The following OR56A3 variants were observed in gnomAD, a reference collection of about 807,000 sequenced individuals.
The protein encoded by OR56A3 is olfactory receptor 56A3.
OR56A3 carries 23 observed loss-of-function variants against 17.5 expected under a neutral mutation model. The observed-to-expected ratio is 1.32, with a 90% CI of 0.95 to 1.87. OR56A3 has a LOEUF of 1.87. Among genes scored for constraint, OR56A3 ranks in the 40% most tolerant of loss-of-function variants. The probability of loss-of-function intolerance (pLI) is 0.00; values close to 1 mark genes in which losing one functional copy is unlikely to be tolerated. For missense variants in OR56A3, 366 were observed against 380.1 expected (o/e 0.96, Z 0.31); for synonymous variants, 175 against 150.6 (o/e 1.16, Z -1.19).
the OR56A3 span, chr11:6,002,608 T>C: frequency 6.2e-7 from 1 of 1,614,184 alleles, no homozygotes; most frequent in Non-Finnish European, 8.5e-7. Context: ...GGATGGCAGA[T>C]GGCCACATAA....
Position 5,947,501 on chromosome 11 carries a change from C to T in OR56A3, c.155C>T (p.Thr52Ile). 2 of 1,614,008 alleles carry T rather than the reference C, an allele frequency of 1.2e-6. No individual in the cohort carries two copies. Among genetic ancestry groups the T allele is most frequent in the Non-Finnish European group, 1.7e-6 (2 of 1,179,920 alleles). The change falls in exon 3 of 3, where the codon ACC becomes ATC. Residue 52 changes from threonine to isoleucine, a missense_variant. Coordinates refer to ENST00000641160, the MANE Select transcript of OR56A3 (RefSeq NM_001003443.3). The stretch of plus-strand genomic sequence containing the variant: ...GGGGCCAACACCACCCTCCTGATGA[C>T]CATCTGGCTGGAGGCCTCTCTGCAC... The part of the protein sequence containing the change: ...AVGANTTLLM[T>I]IWLEASLHQP...
At chr11:5,965,165 C>T in the OR56A3 span, among the ~76,000 whole-genome samples, 2 of 152,172 alleles carry the variant, frequency 1.3e-5, no homozygotes, top group Admixed American at 6.5e-5. Context: ...AAAAAGAAGA[C>T]ATTTGAGAAA....
chr11:5,967,042 C>G, the OR56A3 span: 2 of 151,918 alleles, frequency 1.3e-5, no homozygotes, highest in Non-Finnish European at 1.5e-5. Flanking sequence ...ACAGAGGAGG[C>G]AGTGAATGTC....
chr11:5,982,137 T>A, the OR56A3 span, among the ~76,000 whole-genome samples: 1 of 152,058 alleles, frequency 6.6e-6, no homozygotes, highest in African/African-American at 2.4e-5. Flanking sequence ...CACTTACACG[T>A]GTGTTCAGGC....
the OR56A3 span, among the ~76,000 whole-genome samples, chr11:5,961,025 G>T: frequency 1.3e-5 from 2 of 150,806 alleles, no homozygotes; most frequent in African/African-American, 4.9e-5. Flanking sequence ...CCCTCCGCCC[G>T]GCAGCCGCCC....
chr11:6,003,690 C>T, the OR56A3 span, among the ~76,000 whole-genome samples: 2 of 152,170 alleles, frequency 1.3e-5, no homozygotes, highest in South Asian at 2.1e-4. Context: ...CAGTGGCCCC[C>T]ACCTGAAATC....
the OR56A3 span, chr11:5,968,598 C>A: frequency 1.1e-6 from 1 of 898,308 alleles, no homozygotes; most frequent in Non-Finnish European, 1.7e-6. Context: ...CTAACATTTT[C>A]TAATTTATAA....
the OR56A3 span, chr11:6,021,308 G>T: frequency 6.6e-6 from 1 of 151,904 alleles, no homozygotes; most frequent in Admixed American, 6.6e-5. Flanking sequence ...CAATTAGAAA[G>T]GAGAAACAAG....
At chr11:6,016,642 A>T in the OR56A3 span, among the ~76,000 whole-genome samples, 11 of 152,286 alleles carry the variant, frequency 7.2e-5, no homozygotes, top group East Asian at 5.8e-4. Context: ...TAACACAGTG[A>T]TTCTACAGCA....
At chr11:6,002,928 T>A in the OR56A3 span, 18 of 1,613,668 alleles carry the variant, frequency 1.1e-5, no homozygotes, top group Non-Finnish European at 1.4e-5. Context: ...GCTCTGGAAG[T>A]TGGGGAAGCA....
chr11:5,989,563 T>G, the OR56A3 span, among the ~76,000 whole-genome samples: 1 of 152,196 alleles, frequency 6.6e-6, no homozygotes. Flanking sequence ...AGGGTAAAAG[T>G]CTGCAAGTGC....
the OR56A3 span, chr11:5,968,037 GC>G: frequency 1.9e-6 from 3 of 1,602,450 alleles, no homozygotes; most frequent in Non-Finnish European, 2.6e-6. Flanking sequence ...GCCATTCCTG[GC>G]CACAACAAAG....
chr11:5,982,282 G>A, the OR56A3 span, among the ~76,000 whole-genome samples: 41,301 of 152,100 alleles, frequency 0.27, 5,732 homozygotes, highest in Middle Eastern at 0.34. Flanking sequence ...GGGTGGTGAC[G>A]TTGAGGTTTG....
chr11:5,993,932 T>C, the OR56A3 span: 2 of 460,516 alleles, frequency 4.3e-6, no homozygotes, highest in Non-Finnish European at 8.5e-6. Context: ...GTCCACTCTG[T>C]GGCGGGTGGT....
At chr11:5,992,233 C>T in the OR56A3 span, among the ~76,000 whole-genome samples, 1 of 152,184 alleles carries the variant, frequency 6.6e-6, no homozygotes, top group Admixed American at 6.5e-5. Context: ...AAGTTCATAA[C>T]TAAGTCACTC....
chr11:6,018,981 T>C, the OR56A3 span, among the ~76,000 whole-genome samples: 1 of 151,450 alleles, frequency 6.6e-6, no homozygotes, highest in African/African-American at 2.4e-5. Flanking sequence ...AAGGAAGAAA[T>C]AGAAAACCTG....
At chr11:6,002,821 G>C in the OR56A3 span, 1 of 1,613,850 alleles carries the variant, frequency 6.2e-7, no homozygotes. Flanking sequence ...GGCTGGTGCA[G>C]AGAGGCCTCC....
downstream of OR56A3, among the ~76,000 whole-genome samples, chr11:5,954,036 A>T (rs894153770): frequency 6.6e-6 from 1 of 152,194 alleles, no homozygotes; most frequent in African/African-American, 2.4e-5. Context: ...GGGCATCAGG[A>T]CAGACAAATG....
chr11:5,967,520 G>C, the OR56A3 span: 1 of 1,403,758 alleles, frequency 7.1e-7, no homozygotes, highest in Non-Finnish European at 9.6e-7. Context: ...ATCAATTTCT[G>C]TTTTCAAGGT....
Sources: gnomAD v4.1 joint callset for allele counts (sites outside exome capture counted in the v4.1 genomes callset) on GRCh38, gnomAD v4.1.1 for gene constraint, MANE v1.5 for transcripts, NCBI Gene and HGNC (gene_info 2026-07-23, HGNC 2026-07-21) for gene names.